Variants in OR2A14 observed in about 807,000 individuals in gnomAD.
OR2A14 encodes the protein olfactory receptor family 2 subfamily A member 14, also known as olfactory receptor 2A14.
A neutral mutation model predicts 2.4 loss-of-function variants in OR2A14; 2 were observed. The ratio of observed to expected loss-of-function variants is 0.85; its 90% CI spans 0.35 to 2.67. The LOEUF is 2.67. OR2A14 is among the 30% of genes most tolerant of loss of function. The probability of loss-of-function intolerance (pLI) is 0.10; values close to 1 mark genes in which losing one functional copy is unlikely to be tolerated. For synonymous variants in OR2A14, 160 were observed against 156.3 expected (o/e 1.02, Z -0.18); for missense variants, 390 against 379.4 (o/e 1.03, Z -0.23).
intron 1 of OR2A14, among the ~76,000 whole-genome samples, chr7:144,127,529 GAAAT>G (rs1365837230): frequency 6.6e-6 from 1 of 152,064 alleles, no homozygotes. Flanking sequence ...ATAAAAATAA[GAAAT>G]AAACAAAAAT....
intron 1 of OR2A14, among the ~76,000 whole-genome samples, 190 bp downstream of exon 1, chr7:144,123,454 G>A (rs1255420641): frequency 3.3e-5 from 5 of 152,100 alleles, no homozygotes; most frequent in Non-Finnish European, 7.4e-5. Flanking sequence ...GTCTATCCCA[G>A]GATATGGCCA....
At position 144,129,598 on chromosome 7, in the gene OR2A14, C is replaced by G. The variant is rs773286195; in HGVS notation, c.486C>G (p.Ile162Met). The G allele has an allele frequency of 3.1e-6, 5 of 1,612,786 alleles. No individual in the cohort carries two copies. In the East Asian group the frequency reaches 1.1e-4, roughly 36 times the overall value. Residue 162 changes from isoleucine (I) to methionine (M), a missense_variant, in exon 2 of 2, where the codon ATC becomes ATG. Transcript: ENST00000641068. ...TGGCTCTGGTCCCTTTAGTTCTCAT[C>G]CTGAGCCTGCCCTTCTGCGGGCCTC... ...FLLALVPLVL[I>M]LSLPFCGPHE...
chr7:144,124,966 G>T lies in OR2A14; in HGVS notation c.-35+1702G>T, dbSNP rs73728214. On this transcript the variant is annotated intron_variant, in intron 1 of 1. Coordinates refer to ENST00000641068, the MANE Select transcript of OR2A14 (RefSeq NM_001001659.3). ...GTGAAAGTGTTTGCAACACCATGAT[G>T]ATTGCACTGGATTTCCAATTCCTAT... Among the ~76,000 whole-genome samples, 327 of 152,296 alleles carry T rather than the reference G, an allele frequency of 2.1e-3. 3 individuals carry two copies. Among genetic ancestry groups the T allele is most frequent in the African/African-American group, 7.6e-3 (316 of 41,568 alleles).
intron 1 of OR2A14, 56 bp from the exon 2 acceptor site, chr7:144,129,023 C>A: frequency 1.9e-6 from 2 of 1,039,530 alleles, no homozygotes; most frequent in Non-Finnish European, 2.8e-6. Context: ...CTAGAAAATT[C>A]ATTCAAAGTT....
At chr7:144,127,232 T>C (rs1454675817) in intron 1 of OR2A14, among the ~76,000 whole-genome samples, 1 of 152,182 alleles carries the variant, frequency 6.6e-6, no homozygotes, top group Non-Finnish European at 1.5e-5. Flanking sequence ...TTAAGGGATA[T>C]ACAAAATACA....
In OR2A14 at chr7:144,129,420, A is replaced by G. The variant is rs746385754; in HGVS notation, c.308A>G (p.Tyr103Cys). The change falls in exon 2 of 2, where the codon TAT becomes TGT. Residue 103 changes from tyrosine (Y) to cysteine (C), a missense_variant. Tyr to Cys is a radical substitution (Grantham distance 194, BLOSUM62 -2). Transcript: ENST00000641068. ...CCATGCATAATGCAGACATTCTTGTATTTGGCTTTTGCTCACGTAGAGTGT... is the reference window on the plus strand; with the variant it reads ...CCATGCATAATGCAGACATTCTTGTGTTTGGCTTTTGCTCACGTAGAGTGT... Reference protein sequence around the residue: ...FFPCIMQTFLYLAFAHVECLI... With the variant: ...FFPCIMQTFLCLAFAHVECLI... 95 of 1,613,992 alleles carry G rather than the reference A, an allele frequency of 5.9e-5. No individual in the cohort carries two copies. The highest frequency in any genetic ancestry group is 2.5e-4 in the South Asian group (23 of 91,082).
Position 144,130,189 on chromosome 7 carries a change from T to C in OR2A14, c.*144T>C. The C allele has an allele frequency of 1.7e-6, 1 of 602,124 alleles. No individual in the cohort carries two copies. The highest frequency in any genetic ancestry group is 2.9e-5 in the South Asian group (1 of 34,868). The allele number at this position is 602,124 out of a possible 1,614,324, so 37.3% of individuals were successfully genotyped here. On this transcript the variant is annotated 3_prime_UTR_variant, in exon 2 of 2. Transcript: ENST00000641068. Reference sequence around the variant, plus strand: ...TATACATATAAACTGAAGACACAAATCTTTTAGAAAAGATAGGTAAATGCA... The same window carrying C: ...TATACATATAAACTGAAGACACAAACCTTTTAGAAAAGATAGGTAAATGCA...
At chr7:144,125,466 G>A (rs1370863152) in intron 1 of OR2A14, among the ~76,000 whole-genome samples, 2 of 152,086 alleles carry the variant, frequency 1.3e-5, no homozygotes, top group Non-Finnish European at 2.9e-5. Context: ...TACTTGAACT[G>A]TGAAATCCAA....
At chr7:144,128,901 T>C (rs2128807305) in intron 1 of OR2A14, among the ~76,000 whole-genome samples, 178 bp from the exon 2 acceptor site, 1 of 152,352 alleles carries the variant, frequency 6.6e-6, no homozygotes, top group South Asian at 2.1e-4. Context: ...CACACAAATA[T>C]ATATACACAT....
At chr7:144,128,787 C>T (rs556189501) in intron 1 of OR2A14, among the ~76,000 whole-genome samples, 1 of 152,226 alleles carries the variant, frequency 6.6e-6, no homozygotes, top group South Asian at 2.1e-4. Flanking sequence ...TACTTGAGTT[C>T]TTCAAAATAA....
chr7:144,125,461 G>A (rs1162258227), intron 1 of OR2A14, among the ~76,000 whole-genome samples: 6 of 152,040 alleles, frequency 3.9e-5, no homozygotes, highest in African/African-American at 1.2e-4. Context: ...CTGACTACTT[G>A]AACTGTGAAA....
At chr7:144,123,502 C>A (rs760072873) in intron 1 of OR2A14, among the ~76,000 whole-genome samples, 20 of 152,152 alleles carry the variant, frequency 1.3e-4, no homozygotes, top group Non-Finnish European at 2.9e-4. Flanking sequence ...ATCCATATCC[C>A]CTCATTACCC....
rs750458019 is a variant in OR2A14 at position 144,130,033 on chromosome 7, G to A, written c.921G>A (p.Glu307=). 1.1e-5 allele frequency: 18 copies of A among 1,611,358 alleles called. No homozygotes were observed. The highest frequency in any genetic ancestry group is 1.5e-5 in the Non-Finnish European group (18 of 1,178,210). ...CCCTGAGGAGGGCACTGAGGAAGGA[G>A]AGGCTGACGTGAGACATCTCAAAGG... ...KGALRRALRK[E]RLT The change falls in exon 2 of 2, where the codon GAG becomes GAA. Residue 307 remains glutamate, a synonymous_variant. Coordinates refer to ENST00000641068, the MANE Select transcript of OR2A14 (RefSeq NM_001001659.3).
chr7:144,128,499 A>C (rs1198138544), intron 1 of OR2A14, among the ~76,000 whole-genome samples: 1 of 152,224 alleles, frequency 6.6e-6, no homozygotes, highest in Non-Finnish European at 1.5e-5. Context: ...GCTTCTGAAA[A>C]GGAGCGTCTT....
In OR2A14 at chr7:144,130,034, A is replaced by G; in HGVS notation, c.922A>G (p.Arg308Gly). 1.9e-6 allele frequency: 3 copies of G among 1,611,238 alleles called. No homozygotes were observed. Among genetic ancestry groups the G allele is most frequent in the African/African-American group, 2.7e-5 (2 of 74,918 alleles). Residue 308 changes from arginine to glycine, a missense_variant, in exon 2 of 2, where the codon AGG (arginine) becomes GGG (glycine). Transcript: ENST00000641068. ...GALRRALRKE[R>G]LT The stretch of plus-strand genomic sequence containing the variant: ...CCTGAGGAGGGCACTGAGGAAGGAG[A>G]GGCTGACGTGAGACATCTCAAAGGG...
chr7:144,130,328 A>G lies in OR2A14; in HGVS notation c.*283A>G. 1 of 233,458 alleles carries G rather than the reference A, an allele frequency of 4.3e-6. No homozygotes were observed. Among genetic ancestry groups the G allele is most frequent in the Non-Finnish European group, 8.4e-6 (1 of 119,208 alleles). 14.5% of individuals were successfully genotyped at this position (233,458 alleles called of 1,614,324 possible). A position where few individuals can be genotyped will look rare whatever the true frequency, so the allele number is the denominator to read the frequency against. ...TTCACATTAATCATTGTGCTCATCA[A>G]AGTCACCATTAAGAAAGAAGAAATG... On this transcript the variant is annotated 3_prime_UTR_variant, in exon 2 of 2. Transcript: ENST00000641068.
rs759913562 is a variant in OR2A14 at position 144,129,725 on chromosome 7, A to G, written c.613A>G (p.Ile205Val). The change falls in exon 2 of 2, where the codon ATC becomes GTC. Residue 205 changes from isoleucine (I) to valine (V), a missense_variant. Ile to Val is a conservative substitution (Grantham distance 29). Coordinates refer to ENST00000641068, the MANE Select transcript of OR2A14 (RefSeq NM_001001659.3). ...GGTCATCTTTGCAGCCTGCGTGTTC[A>G]TCCTGGTGGGGCCACTCTGCCTGGT... ...QVVIFAACVF[I>V]LVGPLCLVLV... The G allele has an allele frequency of 3.2e-5, 52 of 1,613,856 alleles. No individual in the cohort carries two copies. Among genetic ancestry groups the G allele is most frequent in the African/African-American group, 4.0e-5 (3 of 74,894 alleles).
intron 1 of OR2A14, among the ~76,000 whole-genome samples, chr7:144,126,235 T>C (rs1465019892): frequency 6.6e-6 from 1 of 152,230 alleles, no homozygotes. Context: ...TTCATGAATC[T>C]AAAAGTAAAT....
At chr7:144,126,818 CA>C (rs551440895) in intron 1 of OR2A14, among the ~76,000 whole-genome samples, 140 of 152,112 alleles carry the variant, frequency 9.2e-4, no homozygotes, top group African/African-American at 3.1e-3. Flanking sequence ...ATATTTTCAA[CA>C]AAGTTTCTCT....
Sources: gnomAD v4.1 joint callset for allele counts (sites outside exome capture counted in the v4.1 genomes callset) on GRCh38, gnomAD v4.1.1 for gene constraint, MANE v1.5 for transcripts, NCBI Gene and HGNC (gene_info 2026-07-23, HGNC 2026-07-21) for gene names.